Variants in CLVS1 observed in about 807,000 individuals in gnomAD.
CLVS1 encodes clavesin-1.
Under a neutral mutation model 33.1 loss-of-function variants are expected in CLVS1, and 10 were observed. The observed-to-expected ratio is 0.30, with a 90% CI of 0.19 to 0.51. CLVS1 has a LOEUF of 0.51. CLVS1 is among the 20% of genes least tolerant of loss of function. The probability of loss-of-function intolerance (pLI) is 0.97; values close to 1 mark genes in which losing one functional copy is unlikely to be tolerated. For synonymous variants in CLVS1, 163 were observed against 166.1 expected (o/e 0.98, Z 0.14); for missense variants, 343 against 433.4 (o/e 0.79, Z 1.85).
Position 61,406,081 on chromosome 8 carries a change from C to T in CLVS1, c.630+29302C>T, listed in dbSNP as rs186719051. Among the ~76,000 whole-genome samples the T allele has an allele frequency of 1.6e-3, 249 of 152,276 alleles. 1 individual carries two copies. The highest frequency in any genetic ancestry group is 5.5e-3 in the African/African-American group (228 of 41,538). The stretch of plus-strand genomic sequence containing the variant: ...AAATAATTCACACTTCCCTCTGAAA[C>T]GTATGAGAGTCCATTTTATCAGCCA... On this transcript the variant is annotated intron_variant, in intron 3 of 5. Transcript: ENST00000325897.
At chr8:61,319,752 A>G (rs1302571434) in intron 2 of CLVS1, among the ~76,000 whole-genome samples, 1 of 152,214 alleles carries the variant, frequency 6.6e-6, no homozygotes, top group Non-Finnish European at 1.5e-5. Flanking sequence ...GCTTTATGGC[A>G]TTAGCTTATG....
chr8:61,354,981 A>G (rs977328969), intron 2 of CLVS1, among the ~76,000 whole-genome samples: 6 of 152,156 alleles, frequency 3.9e-5, no homozygotes, highest in African/African-American at 1.2e-4. Flanking sequence ...AATTATTACA[A>G]CTGCATCTGA....
intron 3 of CLVS1, chr8:61,378,094 T>A (rs554787887): frequency 8.5e-5 from 13 of 152,334 alleles, no homozygotes; most frequent in Admixed American, 5.2e-4. Context: ...TCAAAGGAAG[T>A]TTTAAAGTAA....
At chr8:61,101,774 A>G (rs1419695367) in intron 1 of CLVS1, among the ~76,000 whole-genome samples, 1 of 150,648 alleles carries the variant, frequency 6.6e-6, no homozygotes, top group Non-Finnish European at 1.5e-5. Context: ...ATTTTGAGTT[A>G]ACGTTTTAAA....
At chr8:61,006,680 A>G in the CLVS1 span, among the ~76,000 whole-genome samples, 8 of 152,286 alleles carry the variant, frequency 5.3e-5, no homozygotes, top group East Asian at 1.5e-3. Flanking sequence ...ACTCCTTGGG[A>G]TATTTTTGTC....
At chr8:61,004,852 T>C in the CLVS1 span, among the ~76,000 whole-genome samples, 7 of 152,312 alleles carry the variant, frequency 4.6e-5, no homozygotes, top group South Asian at 1.5e-3. Flanking sequence ...AAAAAGGACA[T>C]CAGAAAGCTG....
chr8:61,106,132 C>G (rs1356003480), intron 1 of CLVS1, among the ~76,000 whole-genome samples: 1 of 152,216 alleles, frequency 6.6e-6, no homozygotes, highest in Non-Finnish European at 1.5e-5. Flanking sequence ...CCCTTTGCTC[C>G]TTCCCTGGAA....
chr8:61,278,913 C>A (rs114992903), intron 2 of CLVS1, among the ~76,000 whole-genome samples: 1 of 152,154 alleles, frequency 6.6e-6, no homozygotes, highest in Non-Finnish European at 1.5e-5. Context: ...GCATTGACAG[C>A]ACAAGCTTGG....
chr8:61,143,376 C>A (rs970681064), intron 2 of CLVS1, among the ~76,000 whole-genome samples: 1 of 152,124 alleles, frequency 6.6e-6, no homozygotes, highest in East Asian at 1.9e-4. Flanking sequence ...AGAAAGCATG[C>A]GCACTTTGAT....
At chr8:61,431,310 A>G (rs1443858562) in intron 3 of CLVS1, among the ~76,000 whole-genome samples, 3 of 152,224 alleles carry the variant, frequency 2.0e-5, no homozygotes, top group Non-Finnish European at 4.4e-5. Flanking sequence ...TTCTTGTGTA[A>G]GAGACTTTCT....
At position 61,389,239 on chromosome 8, in the gene CLVS1, C is replaced by A. The variant is rs187820429; in HGVS notation, c.630+12460C>A. Among the ~76,000 whole-genome samples the A allele has an allele frequency of 8.6e-3, 1,308 of 152,178 alleles. 19 individuals are homozygous for A. Among genetic ancestry groups the A allele is most frequent in the African/African-American group, 0.029 (1,221 of 41,504 alleles). ...AGGCTAACCCACATTAGCATATAGA[C>A]AATATCAAGAAATAACAGGGCCAAG... On this transcript the variant is annotated intron_variant, in intron 3 of 5. Transcript: ENST00000325897.
intron 2 of CLVS1, among the ~76,000 whole-genome samples, chr8:61,140,742 A>G (rs983466284): frequency 6.6e-6 from 1 of 151,086 alleles, no homozygotes; most frequent in African/African-American, 2.4e-5. Context: ...TTTTTTTTGT[A>G]TTTTTAGTAG....
intron 2 of CLVS1, among the ~76,000 whole-genome samples, chr8:61,340,796 A>G (rs1200491475): frequency 2.0e-5 from 3 of 152,180 alleles, no homozygotes; most frequent in Non-Finnish European, 4.4e-5. Context: ...TGTTAGATAC[A>G]TTTCTAATTG....
intron 2 of CLVS1, among the ~76,000 whole-genome samples, chr8:61,250,709 C>T (rs1808924029): frequency 6.6e-6 from 1 of 152,126 alleles, no homozygotes; most frequent in South Asian, 2.1e-4. Flanking sequence ...CATGATTTGG[C>T]TCTCTGTTTG....
At position 61,376,026 on chromosome 8, in the gene CLVS1, A is replaced by G. The variant is rs376476238; in HGVS notation, c.456-579A>G. Among the ~76,000 whole-genome samples the G allele has an allele frequency of 5.9e-5, 9 of 152,344 alleles. No homozygotes were observed. The South Asian group carries it at 8.3e-4, about 14-fold the overall frequency. On this transcript the variant is annotated intron_variant, in intron 2 of 5. Transcript: ENST00000325897. ...CACACTCTGTAGACCTTCACTGAAA[A>G]TAAGTCATACTTCCTGTTTTATTTT...
At chr8:61,022,973 A>G in the CLVS1 span, among the ~76,000 whole-genome samples, 1 of 152,254 alleles carries the variant, frequency 6.6e-6, no homozygotes, top group Non-Finnish European at 1.5e-5. Context: ...AGGACTTTTT[A>G]TAGCTGCTTG....
At chr8:60,988,901 G>C in the CLVS1 span, among the ~76,000 whole-genome samples, 2 of 152,210 alleles carry the variant, frequency 1.3e-5, no homozygotes, top group African/African-American at 4.8e-5. Context: ...GTCTTGCTCT[G>C]TCATCCAGGC....
At chr8:61,048,612 G>T in the CLVS1 span, among the ~76,000 whole-genome samples, 1 of 152,160 alleles carries the variant, frequency 6.6e-6, no homozygotes, top group Non-Finnish European at 1.5e-5. Flanking sequence ...CTCCAGGTTA[G>T]GAGGGTCCAG....
chr8:60,994,206 G>A, the CLVS1 span, among the ~76,000 whole-genome samples: 1 of 152,146 alleles, frequency 6.6e-6, no homozygotes, highest in African/African-American at 2.4e-5. Flanking sequence ...TCCTTCCTCT[G>A]TGTATGTCTG....
Sources: allele counts gnomAD v4.1 joint callset (sites outside exome capture counted in the v4.1 genomes callset), GRCh38; gene constraint gnomAD v4.1.1; transcripts MANE v1.5; gene names NCBI Gene and HGNC (gene_info 2026-07-23, HGNC 2026-07-21).